The following HYCC1 variants were observed in gnomAD, a reference collection of about 807,000 sequenced individuals.
HYCC1 encodes hyccin.
chr7:22,978,213 A>T, the HYCC1 span: 3 of 1,489,104 alleles, frequency 2.0e-6, no homozygotes, highest in Non-Finnish European at 2.8e-6. Flanking sequence ...GCAGTTGCAC[A>T]GGTTATATAT....
chr7:22,916,282 A>T, the HYCC1 span, among the ~76,000 whole-genome samples: 1 of 152,070 alleles, frequency 6.6e-6, no homozygotes, highest in Admixed American at 6.6e-5. Context: ...CTATCCACCC[A>T]TGGTGCCTAA....
the HYCC1 span, among the ~76,000 whole-genome samples, chr7:22,931,245 C>CAA: frequency 1.5e-5 from 1 of 65,896 alleles, no homozygotes; most frequent in Non-Finnish European, 3.0e-5. Context: ...CAAGGAATGC[C>CAA]AAAAAAAAAG....
chr7:23,002,455 G>A, the HYCC1 span, among the ~76,000 whole-genome samples: 2 of 151,956 alleles, frequency 1.3e-5, no homozygotes, highest in African/African-American at 2.4e-5. Flanking sequence ...AGAGGCTCTT[G>A]AACACCTAGG....
At chr7:22,959,387 T>C in the HYCC1 span, among the ~76,000 whole-genome samples, 1 of 152,056 alleles carries the variant, frequency 6.6e-6, no homozygotes, top group East Asian at 1.9e-4. Context: ...GTACCAAATA[T>C]ACCAAAAGGA....
the HYCC1 span, among the ~76,000 whole-genome samples, chr7:22,916,662 T>C: frequency 1.3e-5 from 2 of 152,180 alleles, no homozygotes; most frequent in African/African-American, 4.8e-5. Flanking sequence ...CATTTCCCCA[T>C]ATTTCCTTCT....
the HYCC1 span, among the ~76,000 whole-genome samples, chr7:22,926,392 T>A: frequency 6.6e-6 from 1 of 152,138 alleles, no homozygotes; most frequent in African/African-American, 2.4e-5. Context: ...ACTGGCAAAT[T>A]GGATAAAGAG....
At chr7:22,957,472 G>A in the HYCC1 span, among the ~76,000 whole-genome samples, 1 of 150,604 alleles carries the variant, frequency 6.6e-6, no homozygotes, top group African/African-American at 2.4e-5. Context: ...AGCTCCAACA[G>A]AAAAAAAGAA....
chr7:23,009,667 G>A, the HYCC1 span, among the ~76,000 whole-genome samples: 1 of 152,032 alleles, frequency 6.6e-6, no homozygotes, highest in Non-Finnish European at 1.5e-5. Flanking sequence ...GAAAAAAAAA[G>A]GTGGTGAGGT....
the HYCC1 span, among the ~76,000 whole-genome samples, chr7:22,897,463 T>C: frequency 5.3e-5 from 8 of 152,200 alleles, no homozygotes; most frequent in Admixed American, 5.2e-4. Context: ...AAGGAGGTTA[T>C]AATGATGACT....
At chr7:22,899,119 G>C in the HYCC1 span, among the ~76,000 whole-genome samples, 1 of 152,214 alleles carries the variant, frequency 6.6e-6, no homozygotes, top group Non-Finnish European at 1.5e-5. Flanking sequence ...CTGGTGGTTG[G>C]TGGGGAGGGG....
chr7:22,960,253 T>C, the HYCC1 span: 1 of 1,613,198 alleles, frequency 6.2e-7, no homozygotes, highest in Non-Finnish European at 8.5e-7. Flanking sequence ...ACGTATTTCT[T>C]ACCATGTCTT....
chr7:22,966,595 AAT>A, the HYCC1 span, among the ~76,000 whole-genome samples: 38 of 152,224 alleles, frequency 2.5e-4, no homozygotes, highest in Non-Finnish European at 4.6e-4. Context: ...TGCTTGATAT[AAT>A]ATGAGCTTCA....
the HYCC1 span, among the ~76,000 whole-genome samples, chr7:22,896,346 G>T: frequency 6.6e-6 from 1 of 152,180 alleles, no homozygotes; most frequent in Admixed American, 6.5e-5. Context: ...GGCTACCCTG[G>T]AGGCATTAGT....
At chr7:23,001,626 G>A in the HYCC1 span, among the ~76,000 whole-genome samples, 1 of 152,096 alleles carries the variant, frequency 6.6e-6, no homozygotes. Flanking sequence ...GGGTACTGGA[G>A]AAAAAGTATT....
chr7:22,995,675 A>G, the HYCC1 span, among the ~76,000 whole-genome samples: 50,059 of 152,092 alleles, frequency 0.33, 8,302 homozygotes, highest in East Asian at 0.36. Context: ...TTAAATAAAT[A>G]AGAGAATAGG....
the HYCC1 span, among the ~76,000 whole-genome samples, chr7:22,933,850 G>C: frequency 7.0e-4 from 107 of 152,186 alleles, no homozygotes; most frequent in African/African-American, 2.6e-3. Flanking sequence ...TCATAGTTCA[G>C]ATTTTTAATA....
chr7:22,934,141 G>GC, the HYCC1 span: 18 of 150,638 alleles, frequency 1.2e-4, no homozygotes, highest in African/African-American at 4.4e-4. Flanking sequence ...ATCTCTCAGT[G>GC]CCATGATGCA....
the HYCC1 span, among the ~76,000 whole-genome samples, chr7:22,920,301 T>C: frequency 3.3e-5 from 5 of 152,082 alleles, no homozygotes; most frequent in Admixed American, 6.6e-5. Context: ...GCCACTGCAC[T>C]CCAGCCTGAG....
chr7:22,914,079 C>A, the HYCC1 span, among the ~76,000 whole-genome samples: 2 of 152,220 alleles, frequency 1.3e-5, no homozygotes, highest in African/African-American at 4.8e-5. Context: ...AAAGGAGGCA[C>A]ATTTTATCTG....
Sources: gnomAD v4.1 joint callset for allele counts (sites outside exome capture counted in the v4.1 genomes callset) on GRCh38, gnomAD v4.1.1 for gene constraint, MANE v1.5 for transcripts, NCBI Gene and HGNC (gene_info 2026-07-23, HGNC 2026-07-21) for gene names.